CSMD1: variants seen among roughly 807,000 people sequenced by gnomAD.
CSMD1 encodes CUB and sushi domain-containing protein 1.
Under a neutral mutation model 417.5 loss-of-function variants are expected in CSMD1, and 213 were observed. The observed-to-expected ratio is 0.51, with a 90% CI of 0.46 to 0.57. The LOEUF (loss-of-function observed/expected upper bound fraction) is 0.57. Among genes scored for constraint, CSMD1 ranks in the 20% least tolerant of loss-of-function variants. The pLI, the probability that CSMD1 is intolerant of heterozygous loss-of-function variation, is 0.00. For missense variants in CSMD1, 6,923 were observed against 4,529.7 expected, an observed-to-expected ratio of 1.53 and a Z score of -15.17; for synonymous variants, 2,862 against 1,736.8, an observed-to-expected ratio of 1.65 and a Z score of -16.11.
At chr8:3,350,465 C>G (rs992747901) in intron 21 of CSMD1, among the ~76,000 whole-genome samples, 4 of 152,074 alleles carry the variant, frequency 2.6e-5, no homozygotes, top group South Asian at 2.1e-4. Flanking sequence ...AGATTAATTA[C>G]TGATGTGATA....
intron 41 of CSMD1, chr8:3,128,678 T>A (rs1489809182): frequency 2.9e-6 from 1 of 344,402 alleles, no homozygotes; most frequent in African/African-American, 2.1e-5. Context: ...CTGTCAGATA[T>A]GATACCCTAC....
intron 18 of CSMD1, among the ~76,000 whole-genome samples, chr8:3,380,359 T>C (rs1810557678): frequency 6.6e-6 from 1 of 152,100 alleles, no homozygotes; most frequent in African/African-American, 2.4e-5. Context: ...GAACCAGAAA[T>C]ACCATTTGAC....
intron 2 of CSMD1, among the ~76,000 whole-genome samples, chr8:4,610,005 C>T (rs1801079372): frequency 6.6e-6 from 1 of 151,462 alleles, no homozygotes; most frequent in African/African-American, 2.4e-5. Flanking sequence ...TGGGAATGAC[C>T]ATTGCTTTGT....
intron 3 of CSMD1, among the ~76,000 whole-genome samples, chr8:4,414,532 A>T (rs1027642154): frequency 6.6e-6 from 1 of 152,216 alleles, no homozygotes; most frequent in African/African-American, 2.4e-5. Flanking sequence ...TGCATAGTTT[A>T]TAAGTAATAA....
intron 52 of CSMD1, among the ~76,000 whole-genome samples, chr8:3,011,572 C>T (rs1370000471): frequency 2.0e-5 from 3 of 152,072 alleles, no homozygotes; most frequent in Admixed American, 1.3e-4. Flanking sequence ...CAGAACAATT[C>T]ATCTCCTCAT....
intron 6 of CSMD1, among the ~76,000 whole-genome samples, chr8:3,753,651 A>G (rs1797484328): frequency 6.6e-6 from 1 of 152,240 alleles, no homozygotes; most frequent in Non-Finnish European, 1.5e-5. Flanking sequence ...TAGATGCATA[A>G]TAATTAAAAT....
At chr8:4,740,321 G>C (rs1302193826) in intron 1 of CSMD1, among the ~76,000 whole-genome samples, 1 of 152,088 alleles carries the variant, frequency 6.6e-6, no homozygotes, top group Non-Finnish European at 1.5e-5. Context: ...TACTAATGTT[G>C]TGATATAGCT....
chr8:4,338,320 C>A (rs529397729), intron 3 of CSMD1, among the ~76,000 whole-genome samples: 3 of 152,046 alleles, frequency 2.0e-5, no homozygotes, highest in Admixed American at 1.3e-4. Context: ...ACACATTTAC[C>A]TCGTATGTGA....
chr8:3,459,488 T>C (rs550211563), intron 12 of CSMD1, among the ~76,000 whole-genome samples: 3 of 152,262 alleles, frequency 2.0e-5, no homozygotes, highest in African/African-American at 7.2e-5. Context: ...CTGGGTGATC[T>C]CCACGCATGC....
At chr8:4,807,153 G>C (rs866152603) in intron 1 of CSMD1, among the ~76,000 whole-genome samples, 3 of 152,076 alleles carry the variant, frequency 2.0e-5, no homozygotes, top group Non-Finnish European at 4.4e-5. Context: ...AGTAATTTAG[G>C]ACTGTGATTA....
intron 3 of CSMD1, among the ~76,000 whole-genome samples, chr8:4,310,026 A>C (rs1585205508): frequency 2.0e-5 from 3 of 152,184 alleles, no homozygotes; most frequent in African/African-American, 7.2e-5. Context: ...AGGTATGAAA[A>C]GCCTTAGAAG....
chr8:3,793,117 C>T (rs537772596), intron 5 of CSMD1, among the ~76,000 whole-genome samples: 19 of 152,220 alleles, frequency 1.2e-4, no homozygotes, highest in African/African-American at 4.6e-4. Context: ...AGGAGGATAC[C>T]CACAAGAGTG....
chr8:3,581,394 C>T (rs901197557), intron 9 of CSMD1, among the ~76,000 whole-genome samples: 2 of 152,210 alleles, frequency 1.3e-5, no homozygotes, highest in African/African-American at 4.8e-5. Context: ...AACCATTCAT[C>T]TGTTTGGTAA....
intron 68 of CSMD1, among the ~76,000 whole-genome samples, chr8:2,946,284 G>C (rs1327716204): frequency 6.6e-6 from 1 of 152,146 alleles, no homozygotes; most frequent in East Asian, 1.9e-4. Context: ...ACAATCCAAG[G>C]CTTTCTCAGT....
intron 3 of CSMD1, among the ~76,000 whole-genome samples, chr8:4,298,756 G>C (rs1014461839): frequency 6.6e-6 from 1 of 151,946 alleles, no homozygotes; most frequent in African/African-American, 2.4e-5. Flanking sequence ...ATGTTAAAGT[G>C]ATATTTGTGC....
At chr8:4,038,454 T>A (rs528368541) in intron 3 of CSMD1, among the ~76,000 whole-genome samples, 2 of 152,300 alleles carry the variant, frequency 1.3e-5, no homozygotes, top group African/African-American at 4.8e-5. Context: ...CAAAATATGG[T>A]AATTTAGTGT....
rs74756455 is a variant in CSMD1, at chr8:4,794,370, T to C, written c.86-156812A>G. Among the ~76,000 whole-genome samples, 562 of 152,314 alleles carry C rather than the reference T, an allele frequency of 3.7e-3. 5 individuals are homozygous for C. The highest frequency in any genetic ancestry group is 0.012 in the African/African-American group (513 of 41,564). On this transcript the variant is annotated intron_variant, in intron 1 of 69. Transcript: ENST00000635120. ...TATTTCTCATATAGGAGGGATTTCT[T>C]TTCTAACATCCCCATTAGAAAATCA...
chr8:4,424,903 C>G (rs1057365381), intron 2 of CSMD1, among the ~76,000 whole-genome samples: 10 of 152,002 alleles, frequency 6.6e-5, no homozygotes, highest in Non-Finnish European at 1.3e-4. Context: ...ATAATGATCT[C>G]ACATTAAATA....
intron 5 of CSMD1, among the ~76,000 whole-genome samples, chr8:3,758,629 T>C (rs377040650): frequency 3.3e-5 from 5 of 152,296 alleles, no homozygotes; most frequent in South Asian, 2.1e-4. Flanking sequence ...TTAGGTGAAA[T>C]TGTGAACTCT....
Sources: allele counts gnomAD v4.1 joint callset (sites outside exome capture counted in the v4.1 genomes callset), GRCh38; gene constraint gnomAD v4.1.1; transcripts MANE v1.5; gene names NCBI Gene and HGNC (gene_info 2026-07-23, HGNC 2026-07-21).